The following NKAIN3 variants were observed in gnomAD, a reference collection of about 807,000 sequenced individuals.
NKAIN3 encodes sodium/potassium transporting ATPase interacting 3.
NKAIN3 carries 25 observed loss-of-function variants against 30.2 expected under a neutral mutation model. That is an observed-to-expected ratio of 0.83 (90% confidence interval 0.60 to 1.16). The LOEUF is 1.16. NKAIN3 is among the 50% of genes most tolerant of loss of function. The pLI is 0.00. For synonymous variants in NKAIN3, 91 were observed against 89.6 expected (o/e 1.02, Z -0.09); for missense variants, 225 against 254.1 (o/e 0.89, Z 0.78).
At chr8:62,882,817 C>T (rs1165607728) in intron 4 of NKAIN3, among the ~76,000 whole-genome samples, 2 of 152,092 alleles carry the variant, frequency 1.3e-5, no homozygotes, top group East Asian at 3.8e-4. Flanking sequence ...ATCTTTGCTC[C>T]ATTATGCTAC....
intron 3 of NKAIN3, among the ~76,000 whole-genome samples, chr8:62,717,405 G>A (rs551194399): frequency 1.2e-4 from 19 of 152,030 alleles, no homozygotes; most frequent in South Asian, 8.3e-4. Flanking sequence ...AATTAGTGAC[G>A]TCTGCCTATA....
At chr8:62,465,047 G>T (rs1411582627) in intron 1 of NKAIN3, among the ~76,000 whole-genome samples, 1 of 151,968 alleles carries the variant, frequency 6.6e-6, no homozygotes. Context: ...ATTAAATATC[G>T]CATTTCCAAC....
chr8:62,730,784 A>T (rs1171760352), intron 3 of NKAIN3, among the ~76,000 whole-genome samples: 3 of 152,192 alleles, frequency 2.0e-5, no homozygotes, highest in Admixed American at 1.3e-4. Context: ...AAAGCAAAAT[A>T]AATTCTTCTT....
intron 1 of NKAIN3, among the ~76,000 whole-genome samples, chr8:62,527,949 CAA>C (rs1808361037): frequency 2.8e-5 from 4 of 144,960 alleles, no homozygotes; most frequent in Admixed American, 1.4e-4. Context: ...AAGAGAGAGA[CAA>C]AGAGAGAAAG....
intron 1 of NKAIN3, among the ~76,000 whole-genome samples, chr8:62,264,611 A>C (rs1812550883): frequency 6.6e-6 from 1 of 152,158 alleles, no homozygotes; most frequent in Non-Finnish European, 1.5e-5. Context: ...GGATATAATA[A>C]GATGCAGTTG....
chr8:62,302,994 A>T (rs913847241), intron 1 of NKAIN3, among the ~76,000 whole-genome samples: 5 of 150,216 alleles, frequency 3.3e-5, no homozygotes, highest in Non-Finnish European at 5.9e-5. Context: ...TGAGCTGCAT[A>T]CCTGAGTTCT....
chr8:62,538,244 G>A (rs1468472178), intron 1 of NKAIN3, among the ~76,000 whole-genome samples: 1 of 152,060 alleles, frequency 6.6e-6, no homozygotes, highest in Non-Finnish European at 1.5e-5. Context: ...GTGCAATCTT[G>A]GCTCACTGCA....
At chr8:62,853,088 T>TAA (rs1220740017) in intron 4 of NKAIN3, among the ~76,000 whole-genome samples, 18 of 152,192 alleles carry the variant, frequency 1.2e-4, no homozygotes, top group African/African-American at 4.3e-4. Flanking sequence ...TATGGGAGTT[T>TAA]AAGTCTCTTT....
intron 3 of NKAIN3, among the ~76,000 whole-genome samples, chr8:62,601,528 C>A (rs1291497389): frequency 6.6e-6 from 1 of 151,932 alleles, no homozygotes; most frequent in Admixed American, 6.6e-5. Flanking sequence ...ATTCATTTCA[C>A]TAGAATAACA....
chr8:62,703,773 T>G (rs1279980822), intron 3 of NKAIN3, among the ~76,000 whole-genome samples: 1 of 152,228 alleles, frequency 6.6e-6, no homozygotes, highest in Non-Finnish European at 1.5e-5. Flanking sequence ...ACACACTTGA[T>G]CTATTATTTG....
intron 4 of NKAIN3, among the ~76,000 whole-genome samples, chr8:62,774,899 A>C (rs887116870): frequency 1.3e-5 from 2 of 152,158 alleles, no homozygotes; most frequent in Non-Finnish European, 2.9e-5. Flanking sequence ...TTTTAGTATC[A>C]GGGTAAAACT....
At chr8:62,815,082 C>A (rs1404332446) in intron 4 of NKAIN3, among the ~76,000 whole-genome samples, 1 of 152,120 alleles carries the variant, frequency 6.6e-6, no homozygotes, top group African/African-American at 2.4e-5. Context: ...TCAGAGAATA[C>A]TATAAATACC....
intron 4 of NKAIN3, among the ~76,000 whole-genome samples, chr8:62,762,524 T>C (rs1486310716): frequency 6.6e-6 from 1 of 152,068 alleles, no homozygotes; most frequent in Non-Finnish European, 1.5e-5. Context: ...ATTAGGATGG[T>C]GTCACCATAT....
At chr8:62,447,264 G>A (rs538293562) in intron 1 of NKAIN3, among the ~76,000 whole-genome samples, 1 of 152,088 alleles carries the variant, frequency 6.6e-6, no homozygotes, top group African/African-American at 2.4e-5. Flanking sequence ...CCAGGTACTG[G>A]AATCTGTCAT....
At chr8:62,789,758 C>A (rs1040315614) in intron 4 of NKAIN3, among the ~76,000 whole-genome samples, 1 of 151,992 alleles carries the variant, frequency 6.6e-6, no homozygotes, top group African/African-American at 2.4e-5. Flanking sequence ...CAAGACTAAA[C>A]CAGGAAGAAG....
intron 1 of NKAIN3, among the ~76,000 whole-genome samples, chr8:62,519,587 T>C (rs1323611076): frequency 1.3e-5 from 2 of 152,188 alleles, no homozygotes; most frequent in Non-Finnish European, 2.9e-5. Context: ...AGTGATAGAA[T>C]TGAATGCTGA....
At chr8:62,661,726 G>A (rs987982251) in intron 3 of NKAIN3, among the ~76,000 whole-genome samples, 1 of 152,152 alleles carries the variant, frequency 6.6e-6, no homozygotes, top group Admixed American at 6.5e-5. Context: ...CGTGTCCCCT[G>A]CACTACCTCT....
At chr8:62,379,183 A>G (rs746977572) in intron 1 of NKAIN3, among the ~76,000 whole-genome samples, 4 of 152,146 alleles carry the variant, frequency 2.6e-5, no homozygotes, top group Admixed American at 6.5e-5. Context: ...GTTTTGTCCA[A>G]TTTCTCCCAC....
chr8:62,745,351 C>T (rs1287707407), intron 3 of NKAIN3, among the ~76,000 whole-genome samples: 1 of 152,214 alleles, frequency 6.6e-6, no homozygotes, highest in African/African-American at 2.4e-5. Context: ...ACATGGCCCC[C>T]TGGCACTAAG....
Sources: allele counts gnomAD v4.1 joint callset (sites outside exome capture counted in the v4.1 genomes callset), GRCh38; gene constraint gnomAD v4.1.1; transcripts MANE v1.5; gene names NCBI Gene and HGNC (gene_info 2026-07-23, HGNC 2026-07-21).